The following ANO3 variants were observed in gnomAD, a reference collection of about 807,000 sequenced individuals.
The protein encoded by ANO3 is anoctamin 3, also known as anoctamin-3.
ANO3 carries 99 observed loss-of-function variants against 144.8 expected under a neutral mutation model. The observed-to-expected ratio is 0.68, with a 90% CI of 0.58 to 0.81. The LOEUF (loss-of-function observed/expected upper bound fraction) is 0.81, where lower values mean the gene tolerates loss of function less well. Among genes scored for constraint, ANO3 ranks in the 30% least tolerant of loss-of-function variants. The pLI is 0.00. For synonymous variants in ANO3, 414 were observed against 392.6 expected, an observed-to-expected ratio of 1.05 and a Z score of -0.64; for missense variants, 905 against 1,202.2, an observed-to-expected ratio of 0.75 and a Z score of 3.66.
chr11:26,633,424 C>T (rs1852849945), intron 18 of ANO3, among the ~76,000 whole-genome samples: 1 of 152,154 alleles, frequency 6.6e-6, no homozygotes, highest in African/African-American at 2.4e-5. Context: ...GAGCTCAGCT[C>T]TCCTAACTGA....
At chr11:26,634,080 C>CAAAAA (rs10631901) in intron 18 of ANO3, 124 bp from the exon 19 acceptor site, 6,054 of 356,476 alleles carry the variant, frequency 0.017, no homozygotes, top group Non-Finnish European at 0.022. Flanking sequence ...ACTCCATTTC[C>CAAAAA]AAAAAAAAAA....
chr11:26,527,208 A>G (rs1849185246), intron 7 of ANO3, among the ~76,000 whole-genome samples: 1 of 152,166 alleles, frequency 6.6e-6, no homozygotes, highest in Admixed American at 6.6e-5. Context: ...TAATAATGTA[A>G]AAAATGTTCT....
intron 1 of ANO3, among the ~76,000 whole-genome samples, chr11:26,301,120 G>A (rs1471118893): frequency 6.6e-6 from 1 of 151,190 alleles, no homozygotes; most frequent in Non-Finnish European, 1.5e-5. Context: ...CCAAAGTGCT[G>A]GGATTACAAG....
intron 17 of ANO3, among the ~76,000 whole-genome samples, chr11:26,613,340 C>CT: frequency 6.6e-6 from 1 of 151,968 alleles, no homozygotes; most frequent in African/African-American, 2.4e-5. Context: ...CTGTTTGGTT[C>CT]TTTTTTATGT....
intron 11 of ANO3, among the ~76,000 whole-genome samples, chr11:26,544,281 T>TATATATATATAA (rs1849729404): frequency 1.1e-5 from 1 of 86,988 alleles, no homozygotes; most frequent in East Asian, 3.8e-4. Context: ...TATACACACA[T>TATATATATATAA]ACACACACAC....
chr11:26,319,055 T>G (rs959565789), intron 1 of ANO3, among the ~76,000 whole-genome samples: 2 of 152,024 alleles, frequency 1.3e-5, no homozygotes, highest in Non-Finnish European at 2.9e-5. Flanking sequence ...CGGCTCACTG[T>G]AGCCTCAAGC....
intron 3 of ANO3, among the ~76,000 whole-genome samples, chr11:26,457,033 C>T (rs1243095627): frequency 7.3e-4 from 103 of 141,380 alleles, no homozygotes; most frequent in African/African-American, 2.5e-3. Context: ...TATGAGAACA[C>T]ATGGACACAG....
chr11:26,270,892 G>A lies in ANO3; in HGVS notation c.155-38753G>A, dbSNP rs367979851. Among the ~76,000 whole-genome samples, 24 of 152,272 alleles carry A rather than the reference G, an allele frequency of 1.6e-4. No individual in the cohort carries two copies. In the East Asian group the frequency reaches 4.3e-3, roughly 27 times the overall value. ...TTTGAGCTGAATCATGAAAAATATA[G>A]CATCAGCTGGAGGATAAAAGAAAAG... On this transcript the variant is annotated intron_variant, in intron 1 of 27. Coordinates refer to the ANO3 transcript ENST00000672621.
chr11:26,249,737 C>T (rs1307645227), intron 1 of ANO3, among the ~76,000 whole-genome samples: 5 of 151,480 alleles, frequency 3.3e-5, no homozygotes, highest in Non-Finnish European at 4.4e-5. Context: ...AATTTCCCTC[C>T]AGGGATTTGG....
chr11:26,421,407 A>G (rs66648851), intron 1 of ANO3, among the ~76,000 whole-genome samples: 38,046 of 151,814 alleles, frequency 0.25, 5,165 homozygotes, highest in African/African-American at 0.34. Context: ...GACTACACCC[A>G]ATAGTATAGA....
chr11:26,500,586 T>C (rs180833726), intron 4 of ANO3, among the ~76,000 whole-genome samples: 24 of 152,288 alleles, frequency 1.6e-4, no homozygotes. Context: ...TTGTTGGTCA[T>C]TTCTATATTT....
chr11:26,554,903 T>C (rs1228419744), intron 13 of ANO3, among the ~76,000 whole-genome samples: 2 of 152,190 alleles, frequency 1.3e-5, no homozygotes, highest in East Asian at 3.9e-4. Context: ...TGTTGTTTTA[T>C]ACATTTTGTG....
At chr11:26,627,268 C>A (rs929699245) in intron 18 of ANO3, among the ~76,000 whole-genome samples, 6 of 151,868 alleles carry the variant, frequency 4.0e-5, no homozygotes, top group African/African-American at 1.5e-4. Flanking sequence ...TATCATTAAG[C>A]TTTTTCCTCT....
chr11:26,553,242 TC>T lies in ANO3; in HGVS notation c.1290-6del, dbSNP rs372500267. On this transcript the variant is annotated splice_polypyrimidine_tract_variant and splice_region_variant and intron_variant, in intron 12 of 26. Transcript: ENST00000256737. ...TTGTTTTGTTTTTGTTTTTGTTTTT[TC>T]TCAAGCCAAGAAATTTGTAAAGCCA... 2 of 1,429,456 alleles carry T rather than the reference TC, an allele frequency of 1.4e-6. No homozygotes were observed. Among genetic ancestry groups the T allele is most frequent in the Admixed American group, 1.8e-5 (1 of 56,874 alleles). 88.5% of individuals were successfully genotyped at this position (1,429,456 alleles called of 1,614,324 possible).
At chr11:26,467,680 C>G (rs987026965) in intron 4 of ANO3, among the ~76,000 whole-genome samples, 2 of 150,728 alleles carry the variant, frequency 1.3e-5, no homozygotes, top group Non-Finnish European at 3.0e-5. Flanking sequence ...TATCCATTCG[C>G]CTGTTGATGG....
intron 1 of ANO3, among the ~76,000 whole-genome samples, chr11:26,397,933 T>C (rs1249978179): frequency 6.6e-6 from 1 of 151,982 alleles, no homozygotes; most frequent in African/African-American, 2.4e-5. Context: ...TTTATGTTAT[T>C]CATTCCTTGG....
At chr11:26,623,941 C>T (rs1350860979) in intron 17 of ANO3, among the ~76,000 whole-genome samples, 2 of 152,212 alleles carry the variant, frequency 1.3e-5, no homozygotes, top group East Asian at 1.9e-4. Flanking sequence ...CGCCCGCCAA[C>T]GTGCCCGGCT....
At position 26,362,361 on chromosome 11, in the gene ANO3, G is replaced by A. The variant is rs147886987; in HGVS notation, c.46+30040G>A. Among the ~76,000 whole-genome samples, 109 of 152,266 alleles carry A rather than the reference G, an allele frequency of 7.2e-4. 1 individual carries two copies. The highest frequency in any genetic ancestry group is 2.5e-3 in the African/African-American group (104 of 41,556). On this transcript the variant is annotated intron_variant, in intron 1 of 26. Transcript: ENST00000256737. Reference sequence around the variant, plus strand: ...GGAAACTGAAGCTCTAGAATTTTATGTAACTTAAGTAAGTTCGGATTGTTC... The same window carrying A: ...GGAAACTGAAGCTCTAGAATTTTATATAACTTAAGTAAGTTCGGATTGTTC...
intron 1 of ANO3, among the ~76,000 whole-genome samples, chr11:26,293,558 T>TATATATAG (rs1854015100): frequency 7.3e-6 from 1 of 136,348 alleles, no homozygotes; most frequent in Non-Finnish European, 1.5e-5. Flanking sequence ...TATATATATA[T>TATATATAG]ATATATATAT....
Sources: allele counts gnomAD v4.1 joint callset (sites outside exome capture counted in the v4.1 genomes callset), GRCh38; gene constraint gnomAD v4.1.1; transcripts MANE v1.5; gene names NCBI Gene and HGNC (gene_info 2026-07-23, HGNC 2026-07-21).